HERC2: variants seen among roughly 807,000 people sequenced by gnomAD.
HERC2 encodes the protein E3 ubiquitin-protein ligase HERC2.
Under a neutral mutation model 537.7 loss-of-function variants are expected in HERC2, and 102 were observed. The observed-to-expected ratio is 0.19, with a 90% confidence interval of 0.16 to 0.22. The LOEUF (loss-of-function observed/expected upper bound fraction) is 0.22, where lower values mean the gene tolerates loss of function less well. Among genes scored for constraint, HERC2 ranks in the 10% least tolerant of loss-of-function variants. The probability of loss-of-function intolerance (pLI) is 1.00; values close to 1 mark genes in which losing one functional copy is unlikely to be tolerated. For synonymous variants in HERC2, 2,224 were observed against 2,466.2 expected (o/e 0.90, Z 2.91); for missense variants, 4,236 against 6,198.2 (o/e 0.68, Z 10.63).
intron 88 of HERC2, among the ~76,000 whole-genome samples, 191 bp from the exon 89 acceptor site, chr15:28,115,732 C>G (rs1387372980): frequency 2.9e-5 from 1 of 34,840 alleles, no homozygotes; most frequent in Non-Finnish European, 1.0e-3. Flanking sequence ...CCTTTTGTGC[C>G]TAAAAGCCTC....
intron 44 of HERC2, among the ~76,000 whole-genome samples, chr15:28,206,800 TC>T (rs1898507466): frequency 8.3e-6 from 1 of 120,830 alleles, no homozygotes; most frequent in Non-Finnish European, 1.6e-5. Context: ...GCCACTGCAC[TC>T]CAGCCTGGGC....
intron 69 of HERC2, among the ~76,000 whole-genome samples, chr15:28,157,930 G>A (rs1341701058): frequency 6.6e-6 from 1 of 151,976 alleles, no homozygotes; most frequent in Non-Finnish European, 1.5e-5. Context: ...CAGAGATTCT[G>A]GTATGTTGTG....
chr15:28,257,745 CTT>C (rs112527396), intron 16 of HERC2, among the ~76,000 whole-genome samples: 5 of 145,686 alleles, frequency 3.4e-5, no homozygotes, highest in Admixed American at 1.4e-4. Context: ...AATACATATA[CTT>C]TTTTTTTTTT....
At chr15:28,224,820 T>G (rs1460218416) in intron 35 of HERC2, among the ~76,000 whole-genome samples, 1 of 151,614 alleles carries the variant, frequency 6.6e-6, no homozygotes, top group Non-Finnish European at 1.5e-5. Flanking sequence ...CCAACCAAAA[T>G]GAAATGAGAA....
At chr15:28,270,925 C>A in intron 9 of HERC2, 57 bp from the exon 10 acceptor site, 4 of 1,495,684 alleles carry the variant, frequency 2.7e-6, no homozygotes, top group Non-Finnish European at 3.7e-6. Context: ...AAAGTTAACA[C>A]AATTAACCTT....
chr15:28,161,819 G>T (rs2142429741), intron 69 of HERC2, among the ~76,000 whole-genome samples: 1 of 152,288 alleles, frequency 6.6e-6, no homozygotes. Flanking sequence ...CAGAACCTAA[G>T]AAGTTTTGTA....
chr15:28,115,837 G>A (rs1411750084), intron 88 of HERC2, among the ~76,000 whole-genome samples: 2 of 152,190 alleles, frequency 1.3e-5, no homozygotes, highest in South Asian at 2.1e-4. Flanking sequence ...ACTTCCCCAC[G>A]GGAGTGTCCT....
chr15:28,222,466 A>G (rs1394147053), intron 35 of HERC2, among the ~76,000 whole-genome samples: 1 of 152,136 alleles, frequency 6.6e-6, no homozygotes, highest in Non-Finnish European at 1.5e-5. Flanking sequence ...TACTCTCTCT[A>G]CTTCTAGGAA....
At chr15:28,274,248 G>T (rs1024082919) in intron 7 of HERC2, 43 bp downstream of exon 7, 1 of 1,605,430 alleles carries the variant, frequency 6.2e-7, no homozygotes, top group African/African-American at 1.3e-5. Context: ...CCTCAAGCAG[G>T]CCAGCTGTCT....
chr15:28,245,351 A>G (rs943532347), intron 23 of HERC2, among the ~76,000 whole-genome samples: 1 of 152,060 alleles, frequency 6.6e-6, no homozygotes, highest in African/African-American at 2.4e-5. Flanking sequence ...GTTCGAGACC[A>G]TCCTGGACAA....
intron 68 of HERC2, among the ~76,000 whole-genome samples, chr15:28,166,276 A>C (rs1215678261): frequency 1.3e-5 from 2 of 152,258 alleles, no homozygotes; most frequent in Non-Finnish European, 2.9e-5. Flanking sequence ...ACAAAATAGC[A>C]GCAAACCAAA....
At position 28,310,634 on chromosome 15, in the gene HERC2, A is replaced by T. The variant is rs376067047; in HGVS notation, c.72+10728T>A. Among the ~76,000 whole-genome samples the T allele has an allele frequency of 2.0e-4, 31 of 152,282 alleles. No individual in the cohort carries two copies. The East Asian group carries it at 5.2e-3, about 26-fold the overall frequency. On this transcript the variant is annotated intron_variant, in intron 2 of 92. Transcript: ENST00000261609. Reference sequence around the variant, plus strand: ...CAGTCCAAACCCTACCACAATGCACATGATAAGAGGCTAACAGCGGTCAGA... The same window carrying T: ...CAGTCCAAACCCTACCACAATGCACTTGATAAGAGGCTAACAGCGGTCAGA...
chr15:28,218,873 A>C (rs1434078038), intron 37 of HERC2, among the ~76,000 whole-genome samples: 2 of 152,060 alleles, frequency 1.3e-5, no homozygotes, highest in African/African-American at 4.8e-5. Context: ...TCTGTCTCCC[A>C]AGCTAGAGTG....
rs932572284 is a variant in HERC2, at chr15:28,122,070, A to T, written c.13189-641T>A. Among the ~76,000 whole-genome samples the T allele has an allele frequency of 6.6e-6, 1 of 151,918 alleles. No homozygotes were observed. Among genetic ancestry groups the T allele is most frequent in the African/African-American group, 2.4e-5 (1 of 41,372 alleles). On this transcript the variant is annotated intron_variant, in intron 85 of 92. Transcript: ENST00000261609. The surrounding 1 kb of genome is among the most constrained non-coding windows in gnomAD (Gnocchi z 4.1). ...GCCACGGGGCCAGGGAGCACCGTGC[A>T]GCCAGCCAGACCTTGGATCGGGACA...
chr15:28,230,824 C>G lies in HERC2; in HGVS notation c.4676-324G>C, dbSNP rs372583657. Among the ~76,000 whole-genome samples, 16 of 152,030 alleles carry G rather than the reference C, an allele frequency of 1.1e-4. No individual in the cohort carries two copies. In the East Asian group the frequency reaches 1.8e-3, roughly 17 times the overall value. Reference sequence around the variant, plus strand: ...CAAATACTCAACTCTGCTGCTGTAGCACAAAAAGTAACCACAGATAAAGCA... The same window carrying G: ...CAAATACTCAACTCTGCTGCTGTAGGACAAAAAGTAACCACAGATAAAGCA... On this transcript the variant is annotated intron_variant, in intron 30 of 92. Transcript: ENST00000261609.
Position 28,229,786 on chromosome 15 carries a change from T to G in HERC2, c.4871A>C (p.Gln1624Pro), listed in dbSNP as rs1901638729. 1 of 1,443,004 alleles carries G rather than the reference T, an allele frequency of 6.9e-7. No homozygotes were observed. Among genetic ancestry groups the G allele is most frequent in the Non-Finnish European group, 9.7e-7 (1 of 1,025,808 alleles). 89.4% of individuals were successfully genotyped at this position (1,443,004 alleles called of 1,614,324 possible). Residue 1624 changes from glutamine (Q) to proline (P), a missense_variant, in exon 32 of 93, where the codon CAG becomes CCG. Physicochemically the swap from Gln to Pro is moderately conservative, Grantham distance 76. Around this residue, in one of 27 missense-constraint regions of HERC2, gnomAD observed 343 missense variants for 417.2 expected, o/e 0.82. Transcript: ENST00000261609. ...CTGCGGATAAAGACCCTGCACATTC[T>G]GCTTCAACCACTTGTATTTGTGAAC... ...TGVHKYKWLK[Q>P]NVQGLYPQSP...
At chr15:28,212,978 G>A (rs1420601997) in intron 42 of HERC2, 3 of 152,986 alleles carry the variant, frequency 2.0e-5, no homozygotes, top group Non-Finnish European at 2.9e-5. Flanking sequence ...TTGGGAGGCC[G>A]AGGCGGGCGG....
At chr15:28,117,861 C>T (rs1476126230) in intron 86 of HERC2, 5 of 316,518 alleles carry the variant, frequency 1.6e-5, no homozygotes, top group African/African-American at 4.3e-5. Context: ...AGCAGGACCT[C>T]GGCACATCGG....
intron 9 of HERC2, 65 bp downstream of exon 9, chr15:28,272,150 G>T: frequency 7.1e-7 from 1 of 1,416,044 alleles, no homozygotes; most frequent in Non-Finnish European, 9.6e-7. Context: ...ATGCATGCTA[G>T]TCTTGCTTTA....
Sources: gnomAD v4.1 joint callset for allele counts (sites outside exome capture counted in the v4.1 genomes callset) on GRCh38, gnomAD v4.1.1 for gene constraint, gnomAD v4.1.1 regional missense constraint, Gnocchi (gnomAD v3.1) non-coding constraint, MANE v1.5 for transcripts, NCBI Gene and HGNC (gene_info 2026-07-23, HGNC 2026-07-21) for gene names.